The following KCNIP4 variants were observed in gnomAD, a reference collection of about 807,000 sequenced individuals.
KCNIP4 encodes potassium voltage-gated channel interacting protein 4.
Under a neutral mutation model 34.0 loss-of-function variants are expected in KCNIP4, and 12 were observed. The ratio of observed to expected loss-of-function variants is 0.35; its 90% CI spans 0.23 to 0.57. The LOEUF (loss-of-function observed/expected upper bound fraction) is 0.57, where lower values mean the gene tolerates loss of function less well. Ranked by LOEUF, KCNIP4 falls within the 20% of genes least tolerant of loss-of-function variation. The pLI is 0.83. For synonymous variants in KCNIP4, 124 were observed against 102.2 expected (o/e 1.21, Z -1.29); for missense variants, 238 against 311.7 (o/e 0.76, Z 1.78).
intron 1 of KCNIP4, among the ~76,000 whole-genome samples, chr4:21,808,327 C>A (rs575646561): frequency 1.2e-4 from 18 of 152,164 alleles, no homozygotes; most frequent in Middle Eastern, 3.4e-3. Context: ...AAGACCAATC[C>A]TTTCTTCTCT....
intron 1 of KCNIP4, among the ~76,000 whole-genome samples, chr4:20,970,645 G>A (rs1277983504): frequency 6.6e-6 from 1 of 152,152 alleles, no homozygotes; most frequent in Non-Finnish European, 1.5e-5. Context: ...TCAACCTATA[G>A]TGCCGAAGAC....
intron 1 of KCNIP4, among the ~76,000 whole-genome samples, chr4:21,103,469 A>C (rs8180356): frequency 0.47 from 69,484 of 148,536 alleles, 17,132 homozygotes; most frequent in African/African-American, 0.63. Context: ...ATTTATTTTA[A>C]TTATATCATT....
chr4:21,058,461 C>T (rs952843439), intron 1 of KCNIP4, among the ~76,000 whole-genome samples: 2 of 152,054 alleles, frequency 1.3e-5, no homozygotes. Flanking sequence ...CTAGTCCTGC[C>T]TCAGTGAGTA....
chr4:20,893,592 T>A (rs1726182119), intron 1 of KCNIP4, among the ~76,000 whole-genome samples: 1 of 151,578 alleles, frequency 6.6e-6, no homozygotes, highest in African/African-American at 2.4e-5. Flanking sequence ...CCCAGTATTT[T>A]TTTTTTTTTT....
chr4:21,874,566 C>T (rs1369473122), intron 1 of KCNIP4, among the ~76,000 whole-genome samples: 2 of 152,292 alleles, frequency 1.3e-5, no homozygotes, highest in East Asian at 3.9e-4. Context: ...GTGATAGCCA[C>T]AGCTCTCTCC....
intron 1 of KCNIP4, among the ~76,000 whole-genome samples, chr4:20,904,963 G>GA (rs1355718754): frequency 6.6e-6 from 1 of 152,034 alleles, no homozygotes; most frequent in Non-Finnish European, 1.5e-5. Context: ...AGTAGTTTTG[G>GA]AAAAAAGCAT....
intron 1 of KCNIP4, among the ~76,000 whole-genome samples, chr4:21,066,879 G>A (rs1452063192): frequency 1.3e-5 from 2 of 152,316 alleles, no homozygotes; most frequent in East Asian, 3.9e-4. Flanking sequence ...AAAGGGGCCA[G>A]GGGACTTGGA....
At chr4:21,523,862 TG>T (rs1330540616) in intron 1 of KCNIP4, among the ~76,000 whole-genome samples, 2 of 152,120 alleles carry the variant, frequency 1.3e-5, no homozygotes, top group African/African-American at 4.8e-5. Context: ...TGTGAGCCAC[TG>T]TGCCTGGACT....
At chr4:21,066,718 T>C (rs1469678958) in intron 1 of KCNIP4, among the ~76,000 whole-genome samples, 1 of 152,128 alleles carries the variant, frequency 6.6e-6, no homozygotes, top group African/African-American at 2.4e-5. Flanking sequence ...CAGAGGCAAA[T>C]TGCCCGTCCC....
intron 3 of KCNIP4, among the ~76,000 whole-genome samples, chr4:20,776,727 T>C (rs1038012009): frequency 9.2e-5 from 14 of 152,340 alleles, no homozygotes; most frequent in Middle Eastern, 3.4e-3. Context: ...CCAGGCACTG[T>C]CCATTTTATG....
intron 4 of KCNIP4, among the ~76,000 whole-genome samples, chr4:20,751,006 T>G (rs1753519062): frequency 6.6e-6 from 1 of 152,166 alleles, no homozygotes; most frequent in Non-Finnish European, 1.5e-5. Flanking sequence ...GCCATCTAAA[T>G]TTCTCTCCTG....
chr4:21,354,585 C>A (rs994086069), intron 1 of KCNIP4, among the ~76,000 whole-genome samples: 4 of 152,142 alleles, frequency 2.6e-5, no homozygotes, highest in African/African-American at 9.7e-5. Flanking sequence ...ATCAATTCAA[C>A]AAGAAGTGCT....
chr4:20,796,666 A>G (rs527959661), intron 3 of KCNIP4, among the ~76,000 whole-genome samples: 1 of 151,226 alleles, frequency 6.6e-6, no homozygotes, highest in East Asian at 1.9e-4. Flanking sequence ...TGAAGACTCT[A>G]ATTTGCAGAG....
At chr4:20,768,685 A>G in intron 3 of KCNIP4, among the ~76,000 whole-genome samples, 1 of 152,226 alleles carries the variant, frequency 6.6e-6, no homozygotes. Flanking sequence ...AAAATAGACA[A>G]TGGATGAAAG....
At chr4:21,917,630 C>T (rs1045263004) in intron 1 of KCNIP4, among the ~76,000 whole-genome samples, 10 of 139,736 alleles carry the variant, frequency 7.2e-5, no homozygotes, top group Non-Finnish European at 1.6e-4. Context: ...CATATGTGAC[C>T]TTGTTGTGTC....
At chr4:21,738,092 AAAATAAATAAAT>A (rs11444057) in intron 1 of KCNIP4, among the ~76,000 whole-genome samples, 16,875 of 142,178 alleles carry the variant, frequency 0.12, 1,078 homozygotes, top group Non-Finnish European at 0.13. Context: ...ACTCCATCTC[AAAATAAATAAAT>A]AAATAAATAA....
intron 1 of KCNIP4, chr4:21,613,565 G>T (rs1744334377): frequency 1.3e-5 from 2 of 152,138 alleles, no homozygotes; most frequent in African/African-American, 4.8e-5. Flanking sequence ...AGAGCTGTGA[G>T]ATACTAAATG....
chr4:21,351,973 T>C (rs927762902), intron 1 of KCNIP4, among the ~76,000 whole-genome samples: 2 of 152,178 alleles, frequency 1.3e-5, no homozygotes, highest in African/African-American at 4.8e-5. Context: ...TTGAAACTAA[T>C]CACATCATAA....
chr4:21,278,645 A>C (rs1441738965), intron 1 of KCNIP4, among the ~76,000 whole-genome samples: 1 of 152,182 alleles, frequency 6.6e-6, no homozygotes, highest in Non-Finnish European at 1.5e-5. Context: ...CATATACACC[A>C]TGAAATACTA....
Sources: gnomAD v4.1 joint callset for allele counts (sites outside exome capture counted in the v4.1 genomes callset) on GRCh38, gnomAD v4.1.1 for gene constraint, MANE v1.5 for transcripts, NCBI Gene and HGNC (gene_info 2026-07-23, HGNC 2026-07-21) for gene names.